Variants in SGPP2 observed in about 807,000 individuals in gnomAD.
SGPP2 encodes the protein sphingosine-1-phosphate phosphatase 2.
A neutral mutation model predicts 33.9 loss-of-function variants in SGPP2; 30 were observed. That is an observed-to-expected ratio of 0.89 (90% CI 0.66 to 1.20). SGPP2 has a LOEUF of 1.20. SGPP2 is among the 50% of genes most tolerant of loss of function. SGPP2 has a pLI of 0.00. For missense variants in SGPP2, 458 were observed against 532.1 expected, an observed-to-expected ratio of 0.86 and a Z score of 1.37; for synonymous variants, 233 against 225.0, an observed-to-expected ratio of 1.04 and a Z score of -0.32.
rs1697643654 is a variant in SGPP2, at chr2:222,460,599, CTAT to C, written c.220-13966_220-13964del. 6.6e-6 allele frequency among the ~76,000 whole-genome samples: 1 copy of C among 152,194 alleles called. No individual in the cohort carries two copies. The highest frequency in any genetic ancestry group is 1.5e-5 in the Non-Finnish European group (1 of 68,032). ...TGGCTCCAGCACTTTCAAAGGCTCCCTATTACCCAAGTTCTAAACCCAGCCTCC... is the reference window on the plus strand; with the variant it reads ...TGGCTCCAGCACTTTCAAAGGCTCCCTACCCAAGTTCTAAACCCAGCCTCC... On this transcript the variant is annotated intron_variant, in intron 1 of 4. Transcript: ENST00000321276. The surrounding 1 kb of genome is among the most constrained non-coding windows in gnomAD (Gnocchi z 4.3).
Position 222,559,023 on chromosome 2 carries a change from T to C in SGPP2, c.*125T>C, listed in dbSNP as rs977448160. On this transcript the variant is annotated 3_prime_UTR_variant, in exon 5 of 5. Coordinates refer to ENST00000321276, the MANE Select transcript of SGPP2 (RefSeq NM_152386.4). ...ACAAAAAGTCATACGGCTGTCTTGC[T>C]ACTACCAGATAAATGATGCTGCTGT... 5 of 845,070 alleles carry C rather than the reference T, an allele frequency of 5.9e-6. No homozygotes were observed. Among genetic ancestry groups the C allele is most frequent in the Non-Finnish European group, 9.0e-6 (5 of 552,732 alleles). 52.3% of individuals were successfully genotyped at this position (845,070 alleles called of 1,614,324 possible). A position where few individuals can be genotyped will look rare whatever the true frequency, so the allele number is the denominator to read the frequency against.
At chr2:222,472,826 C>T (rs1697866391) in intron 1 of SGPP2, among the ~76,000 whole-genome samples, 1 of 152,128 alleles carries the variant, frequency 6.6e-6, no homozygotes, top group Admixed American at 6.5e-5. Context: ...ATAAACCTGG[C>T]CAACTTGGCG....
chr2:222,521,948 T>C lies in SGPP2; in HGVS notation c.558+2T>C. The C allele has an allele frequency of 1.3e-6, 2 of 1,509,532 alleles. No individual in the cohort carries two copies. The highest frequency in any genetic ancestry group is 1.8e-6 in the Non-Finnish European group (2 of 1,129,648). The allele number at this position is 1,509,532 out of a possible 1,614,324, so 93.5% of individuals were successfully genotyped here. A position where few individuals can be genotyped will look rare whatever the true frequency, so the allele number is the denominator to read the frequency against. On this transcript the variant is annotated splice_donor_variant, in intron 3 of 4. Coordinates refer to ENST00000321276, the MANE Select transcript of SGPP2 (RefSeq NM_152386.4). LOFTEE classifies it high-confidence loss of function. Reference sequence around the variant, plus strand: ...ATCTCTACTATGGACAGATACCAGGTAAGGTGGCCTGGTTCTTCTTCCTAC... The same window carrying C: ...ATCTCTACTATGGACAGATACCAGGCAAGGTGGCCTGGTTCTTCTTCCTAC...
At chr2:222,483,095 A>G (rs995163642) in intron 2 of SGPP2, among the ~76,000 whole-genome samples, 6 of 152,300 alleles carry the variant, frequency 3.9e-5, no homozygotes, top group Non-Finnish European at 7.3e-5. Flanking sequence ...AATAGAATAG[A>G]AGGTATTTCA....
At chr2:222,505,272 A>G (rs1698428378) in intron 2 of SGPP2, among the ~76,000 whole-genome samples, 1 of 152,196 alleles carries the variant, frequency 6.6e-6, no homozygotes, top group Non-Finnish European at 1.5e-5. Context: ...TATGAAGGTG[A>G]GTGGATATAT....
intron 4 of SGPP2, 60 bp from the exon 5 acceptor site, chr2:222,558,287 A>G: frequency 6.5e-7 from 1 of 1,538,192 alleles, no homozygotes; most frequent in Non-Finnish European, 8.9e-7. Context: ...GATTCAAATT[A>G]TACCTGTATA....
chr2:222,537,885 G>A (rs1698937206), intron 4 of SGPP2, among the ~76,000 whole-genome samples: 1 of 152,184 alleles, frequency 6.6e-6, no homozygotes, highest in Non-Finnish European at 1.5e-5. Context: ...TTTTATTGAT[G>A]TAGCAGCTTT....
chr2:222,557,845 A>G lies in SGPP2; in HGVS notation c.649-502A>G, dbSNP rs1689441590. Among the ~76,000 whole-genome samples the G allele has an allele frequency of 2.0e-5, 3 of 152,318 alleles. No individual in the cohort carries two copies. The South Asian group carries it at 6.2e-4, about 32-fold the overall frequency. On this transcript the variant is annotated intron_variant, in intron 4 of 4. Coordinates refer to ENST00000321276, the MANE Select transcript of SGPP2 (RefSeq NM_152386.4). ...AGAACTTTGGTGCTACCACATCCAAATGTCTCCTCAAACCACCCCAAAGGA... is the reference window on the plus strand; with the variant it reads ...AGAACTTTGGTGCTACCACATCCAAGTGTCTCCTCAAACCACCCCAAAGGA...
chr2:222,528,451 A>T (rs1332301603), intron 4 of SGPP2, among the ~76,000 whole-genome samples: 1 of 152,196 alleles, frequency 6.6e-6, no homozygotes, highest in Non-Finnish European at 1.5e-5. Flanking sequence ...AGCAATGTAC[A>T]TATAATATCT....
intron 4 of SGPP2, among the ~76,000 whole-genome samples, chr2:222,535,025 C>G (rs1218226832): frequency 6.6e-6 from 1 of 152,192 alleles, no homozygotes; most frequent in Admixed American, 6.5e-5. Context: ...CAAACACAGG[C>G]AAATTAATTT....
chr2:222,438,409 A>T (rs748452802), intron 1 of SGPP2, among the ~76,000 whole-genome samples: 3 of 152,244 alleles, frequency 2.0e-5, no homozygotes, highest in African/African-American at 4.8e-5. Flanking sequence ...TGCGAAAGTG[A>T]AAAGCGATCA....
intron 4 of SGPP2, among the ~76,000 whole-genome samples, chr2:222,544,852 G>T (rs13428773): frequency 1.3e-5 from 2 of 151,884 alleles, no homozygotes; most frequent in Non-Finnish European, 2.9e-5. Context: ...TTACAAAATT[G>T]TGAGCGTGTA....
chr2:222,433,937 A>T, intron 1 of SGPP2, among the ~76,000 whole-genome samples: 1 of 152,216 alleles, frequency 6.6e-6, no homozygotes, highest in East Asian at 1.9e-4. Context: ...TCTAATTAAG[A>T]TGTCAAGACA....
intron 1 of SGPP2, among the ~76,000 whole-genome samples, chr2:222,448,024 C>T (rs1697422521): frequency 6.6e-6 from 1 of 152,178 alleles, no homozygotes; most frequent in Admixed American, 6.5e-5. Context: ...GATGCTGAGG[C>T]AGGCCAGCTA....
At chr2:222,474,858 A>C in intron 2 of SGPP2, 132 bp downstream of exon 2, 1 of 790,024 alleles carries the variant, frequency 1.3e-6, no homozygotes, top group Non-Finnish European at 1.9e-6. Context: ...TTTGTTGCCT[A>C]ATTTCCTTTG....
Position 222,472,785 on chromosome 2 carries a change from C to T in SGPP2, c.220-1783C>T, listed in dbSNP as rs181963351. 3.7e-4 allele frequency among the ~76,000 whole-genome samples: 57 copies of T among 152,320 alleles called. No homozygotes were observed. The East Asian group carries it at 8.9e-3, about 24-fold the overall frequency. On this transcript the variant is annotated intron_variant, in intron 1 of 4. Transcript: ENST00000321276. The stretch of plus-strand genomic sequence containing the variant: ...AGTTAAACTAAACTAAAGGCCAAGG[C>T]AGGCAGATTACCTGAAGTCAGGAGT...
intron 2 of SGPP2, among the ~76,000 whole-genome samples, chr2:222,520,464 C>T (rs1401045368): frequency 6.6e-6 from 1 of 152,140 alleles, no homozygotes; most frequent in Non-Finnish European, 1.5e-5. Context: ...GGCATGGCAG[C>T]TCACGTCTGT....
intron 2 of SGPP2, among the ~76,000 whole-genome samples, chr2:222,505,391 G>A (rs1426699484): frequency 6.6e-6 from 1 of 152,200 alleles, no homozygotes; most frequent in Admixed American, 6.5e-5. Flanking sequence ...GGAATATACA[G>A]TTGATCTTTA....
At chr2:222,534,307 G>A (rs899521374) in intron 4 of SGPP2, among the ~76,000 whole-genome samples, 13 of 152,164 alleles carry the variant, frequency 8.5e-5, no homozygotes, top group South Asian at 4.1e-4. Context: ...TGTTGTTAGC[G>A]AATGTGTGAA....
Sources: allele counts gnomAD v4.1 joint callset (sites outside exome capture counted in the v4.1 genomes callset), GRCh38; gene constraint gnomAD v4.1.1; non-coding constraint Gnocchi (gnomAD v3.1); transcripts MANE v1.5; gene names NCBI Gene and HGNC (gene_info 2026-07-23, HGNC 2026-07-21).